Variants in APBA1 observed in about 807,000 individuals in gnomAD.
The protein encoded by APBA1 is amyloid beta precursor protein binding family A member 1.
In APBA1, 55 loss-of-function variants were observed where a neutral mutation model predicts 86.6. The ratio of observed to expected loss-of-function variants is 0.64; its 90% confidence interval spans 0.51 to 0.80. The LOEUF is 0.80. APBA1 is among the 30% of genes least tolerant of loss of function. The pLI is 0.00. For missense variants in APBA1, 1,090 were observed against 1,183.0 expected (o/e 0.92, Z 1.15); for synonymous variants, 511 against 493.9 (o/e 1.03, Z -0.46).
intron 2 of APBA1, among the ~76,000 whole-genome samples, chr9:69,512,453 G>T (rs1348147356): frequency 1.8e-4 from 27 of 152,064 alleles, no homozygotes; most frequent in Non-Finnish European, 5.9e-5. Context: ...GGCAATACAG[G>T]TTTTTTTGTC....
intron 1 of APBA1, among the ~76,000 whole-genome samples, chr9:69,601,526 CA>C (rs762262324): frequency 6.6e-6 from 1 of 152,228 alleles, no homozygotes; most frequent in African/African-American, 2.4e-5. Context: ...TGAATTCTGA[CA>C]AATCCTTGCA....
At chr9:69,460,167 G>A (rs1386944074) in intron 5 of APBA1, among the ~76,000 whole-genome samples, 2 of 152,206 alleles carry the variant, frequency 1.3e-5, no homozygotes, top group African/African-American at 2.4e-5. Context: ...CAGCCATCCA[G>A]ACACCACATA....
chr9:69,520,674 A>C (rs1836237760), intron 1 of APBA1, among the ~76,000 whole-genome samples: 1 of 152,036 alleles, frequency 6.6e-6, no homozygotes, highest in Non-Finnish European at 1.5e-5. Context: ...CACCTTCCCT[A>C]CCCACCCTCG....
intron 2 of APBA1, among the ~76,000 whole-genome samples, chr9:69,481,783 A>G (rs2133845463): frequency 6.6e-6 from 1 of 151,726 alleles, no homozygotes; most frequent in East Asian, 1.9e-4. Flanking sequence ...ATATAGATCA[A>G]TGGAACAGAA....
intron 1 of APBA1, among the ~76,000 whole-genome samples, chr9:69,590,005 GC>G (rs1438487269): frequency 6.6e-6 from 1 of 152,114 alleles, no homozygotes; most frequent in Non-Finnish European, 1.5e-5. Flanking sequence ...CCTCTGAGCT[GC>G]TCTTTTCACC....
At chr9:69,575,031 C>T (rs1227231053) in intron 1 of APBA1, among the ~76,000 whole-genome samples, 1 of 152,142 alleles carries the variant, frequency 6.6e-6, no homozygotes, top group Non-Finnish European at 1.5e-5. Flanking sequence ...ATCCTCCCAC[C>T]TCAGCCTCCC....
At chr9:69,579,444 C>A (rs1198925158) in intron 1 of APBA1, among the ~76,000 whole-genome samples, 2 of 152,176 alleles carry the variant, frequency 1.3e-5, no homozygotes, top group African/African-American at 4.8e-5. Flanking sequence ...TTTTCTGTTT[C>A]ATTTTTTAAC....
intron 1 of APBA1, among the ~76,000 whole-genome samples, chr9:69,669,735 C>T (rs528339518): frequency 1.3e-5 from 2 of 152,272 alleles, no homozygotes; most frequent in Admixed American, 6.5e-5. Context: ...GATCACACTA[C>T]TGCACTCCAG....
At chr9:69,572,072 C>T (rs538556525) in intron 1 of APBA1, among the ~76,000 whole-genome samples, 1 of 152,284 alleles carries the variant, frequency 6.6e-6, no homozygotes, top group Non-Finnish European at 1.5e-5. Context: ...GTGTTATTAT[C>T]TCTTTTTAAA....
At chr9:69,496,681 G>A (rs1835803717) in intron 2 of APBA1, among the ~76,000 whole-genome samples, 1 of 152,034 alleles carries the variant, frequency 6.6e-6, no homozygotes, top group African/African-American at 2.4e-5. Context: ...AGCACTGCAG[G>A]AGGTATCTCT....
rs1315429969 is a variant in APBA1 at position 69,430,029 on chromosome 9, A to T, written c.*1298T>A. ...CCTGATGAAAACACGGAACAATTCC[A>T]CACCAGCCAAAAATGCTCTCAGGCC... On this transcript the variant is annotated 3_prime_UTR_variant, in exon 13 of 13. Transcript: ENST00000265381. The T allele has an allele frequency of 6.6e-6, 1 of 152,208 alleles. No homozygotes were observed. The highest frequency in any genetic ancestry group is 1.5e-5 in the Non-Finnish European group (1 of 68,050). 9.4% of individuals were successfully genotyped at this position (152,208 alleles called of 1,614,324 possible).
At chr9:69,625,152 C>T (rs535843490) in intron 1 of APBA1, among the ~76,000 whole-genome samples, 42 of 152,280 alleles carry the variant, frequency 2.8e-4, no homozygotes, top group African/African-American at 1.0e-3. Flanking sequence ...ACATTGGCCA[C>T]AAAAGCCTGT....
chr9:69,583,573 T>C (rs530395340), intron 1 of APBA1, among the ~76,000 whole-genome samples: 1 of 152,334 alleles, frequency 6.6e-6, no homozygotes, highest in African/African-American at 2.4e-5. Flanking sequence ...ATGATGTTAT[T>C]AGAGCTAACT....
At chr9:69,645,595 C>T (rs964594198) in intron 1 of APBA1, among the ~76,000 whole-genome samples, 10 of 152,290 alleles carry the variant, frequency 6.6e-5, no homozygotes, top group Non-Finnish European at 1.2e-4. Flanking sequence ...GCTCTGCCAA[C>T]CAGGCAGCCT....
chr9:69,503,062 A>T (rs2133873926), intron 2 of APBA1, among the ~76,000 whole-genome samples: 1 of 152,272 alleles, frequency 6.6e-6, no homozygotes, highest in African/African-American at 2.4e-5. Flanking sequence ...GAAATTAAAA[A>T]CTTAGTGCAC....
chr9:69,556,391 C>A (rs1459797616), intron 1 of APBA1, among the ~76,000 whole-genome samples: 1 of 152,116 alleles, frequency 6.6e-6, no homozygotes, highest in Non-Finnish European at 1.5e-5. Flanking sequence ...CCTGGACACA[C>A]CTAGACTGGA....
chr9:69,436,243 G>A (rs1431412986), intron 11 of APBA1, among the ~76,000 whole-genome samples: 1 of 149,988 alleles, frequency 6.7e-6, no homozygotes. Context: ...TTTAGCTTAG[G>A]ATTGACTTGG....
At chr9:69,587,418 A>G (rs764704810) in intron 1 of APBA1, among the ~76,000 whole-genome samples, 3 of 152,164 alleles carry the variant, frequency 2.0e-5, no homozygotes, top group Non-Finnish European at 2.9e-5. Context: ...AGAGAGAAAA[A>G]CTGGAGATTG....
At chr9:69,575,388 T>C (rs973011509) in intron 1 of APBA1, among the ~76,000 whole-genome samples, 7 of 152,160 alleles carry the variant, frequency 4.6e-5, no homozygotes, top group East Asian at 1.9e-4. Flanking sequence ...AAAAAGAGCC[T>C]GCATTGCCAA....
Sources: allele counts gnomAD v4.1 joint callset (sites outside exome capture counted in the v4.1 genomes callset), GRCh38; gene constraint gnomAD v4.1.1; transcripts MANE v1.5; gene names NCBI Gene and HGNC (gene_info 2026-07-23, HGNC 2026-07-21).